CNTNAP2: variants seen among roughly 807,000 people sequenced by gnomAD.
The protein encoded by CNTNAP2 is contactin associated protein 2, also known as contactin-associated protein-like 2.
CNTNAP2 carries 98 observed loss-of-function variants against 155.2 expected under a neutral mutation model. The observed-to-expected ratio is 0.63, with a 90% confidence interval of 0.54 to 0.75. The LOEUF (loss-of-function observed/expected upper bound fraction) is 0.75, where lower values mean the gene tolerates loss of function less well. Ranked by LOEUF, CNTNAP2 falls within the 30% of genes least tolerant of loss-of-function variation. The pLI is 0.00. For missense variants in CNTNAP2, 1,727 were observed against 1,688.1 expected (o/e 1.02, Z -0.40); for synonymous variants, 651 against 631.2 (o/e 1.03, Z -0.47).
intron 1 of CNTNAP2, among the ~76,000 whole-genome samples, chr7:146,394,459 A>G (rs965666919): frequency 1.3e-5 from 2 of 151,798 alleles, no homozygotes; most frequent in East Asian, 1.9e-4. Flanking sequence ...TTTTATAAAT[A>G]TAGAGTCTTT....
chr7:147,734,809 T>C lies in CNTNAP2; in HGVS notation c.2098+95503T>C, dbSNP rs558441034. On this transcript the variant is annotated intron_variant, in intron 13 of 23. Coordinates refer to ENST00000361727, the MANE Select transcript of CNTNAP2 (RefSeq NM_014141.6). Reference sequence around the variant, plus strand: ...ATTTTCTAGTTTGTTTGCATAGAGGTGTTTATAGTATTCTCTGATGGTAGT... The same window carrying C: ...ATTTTCTAGTTTGTTTGCATAGAGGCGTTTATAGTATTCTCTGATGGTAGT... 2.9e-4 allele frequency among the ~76,000 whole-genome samples: 44 copies of C among 152,336 alleles called. 1 individual carries two copies. The South Asian group carries it at 8.3e-3, about 29-fold the overall frequency.
intron 21 of CNTNAP2, among the ~76,000 whole-genome samples, chr7:148,341,699 T>C (rs1798239099): frequency 6.6e-6 from 1 of 152,180 alleles, no homozygotes; most frequent in Admixed American, 6.5e-5. Flanking sequence ...TTCCCGGATG[T>C]CTGAGCTCAA....
At chr7:146,354,783 T>C (rs1794974223) in intron 1 of CNTNAP2, among the ~76,000 whole-genome samples, 1 of 151,800 alleles carries the variant, frequency 6.6e-6, no homozygotes, top group Non-Finnish European at 1.5e-5. Context: ...TCTCTTTCTC[T>C]ACAGATTCAA....
chr7:146,745,700 A>G (rs2129181644), intron 1 of CNTNAP2, among the ~76,000 whole-genome samples: 1 of 149,958 alleles, frequency 6.7e-6, no homozygotes, highest in African/African-American at 2.5e-5. Flanking sequence ...CTGGAGGTGG[A>G]GATTGCAGTA....
At chr7:147,997,392 T>TA (rs989457592) in intron 15 of CNTNAP2, among the ~76,000 whole-genome samples, 24 of 151,576 alleles carry the variant, frequency 1.6e-4, no homozygotes, top group African/African-American at 5.1e-4. Flanking sequence ...CGTCTCTATT[T>TA]AAAAAAAATA....
chr7:147,973,742 T>C (rs1801377567), intron 14 of CNTNAP2, among the ~76,000 whole-genome samples: 2 of 152,206 alleles, frequency 1.3e-5, no homozygotes, highest in Admixed American at 1.3e-4. Context: ...TTTTGGCTTA[T>C]ATTCTGTTTT....
chr7:146,345,104 C>T (rs1794799388), intron 1 of CNTNAP2, among the ~76,000 whole-genome samples: 1 of 152,108 alleles, frequency 6.6e-6, no homozygotes, highest in South Asian at 2.1e-4. Flanking sequence ...GAAAGAGAGG[C>T]ATACATTCTT....
At chr7:146,910,862 A>G (rs1157674904) in intron 3 of CNTNAP2, among the ~76,000 whole-genome samples, 4 of 150,630 alleles carry the variant, frequency 2.7e-5, no homozygotes, top group Non-Finnish European at 5.9e-5. Context: ...ATCAGAGTGA[A>G]CAGGCAACCT....
intron 22 of CNTNAP2, among the ~76,000 whole-genome samples, chr7:148,402,709 G>T (rs1458063373): frequency 6.6e-6 from 1 of 152,098 alleles, no homozygotes; most frequent in East Asian, 1.9e-4. Flanking sequence ...AAATAATGTT[G>T]CAATTTAAAT....
At chr7:146,428,913 G>C (rs909742796) in intron 1 of CNTNAP2, among the ~76,000 whole-genome samples, 1 of 151,872 alleles carries the variant, frequency 6.6e-6, no homozygotes, top group Non-Finnish European at 1.5e-5. Context: ...AATCTCTCTT[G>C]GGTTAATTTT....
At chr7:147,878,139 T>G (rs928006283) in intron 13 of CNTNAP2, among the ~76,000 whole-genome samples, 1 of 102,888 alleles carries the variant, frequency 9.7e-6, no homozygotes, top group Non-Finnish European at 1.9e-5. Flanking sequence ...CATTGGAAGT[T>G]TAGGGTTTTT....
intron 9 of CNTNAP2, among the ~76,000 whole-genome samples, chr7:147,324,965 C>G (rs1002360140): frequency 1.3e-5 from 2 of 152,110 alleles, no homozygotes; most frequent in Admixed American, 6.6e-5. Context: ...GGAAAGGCAG[C>G]CTCTGACTTT....
At chr7:147,511,154 T>C (rs938725056) in intron 11 of CNTNAP2, among the ~76,000 whole-genome samples, 4 of 152,116 alleles carry the variant, frequency 2.6e-5, no homozygotes, top group Admixed American at 2.6e-4. Context: ...AGCTATTGTG[T>C]CGGTGCATAC....
intron 1 of CNTNAP2, among the ~76,000 whole-genome samples, chr7:146,320,352 TA>T (rs1240613989): frequency 6.6e-5 from 10 of 152,118 alleles, no homozygotes; most frequent in African/African-American, 2.4e-4. Context: ...TGCAAAAATA[TA>T]ATGCTTATAG....
rs13222237 is a variant in CNTNAP2, at chr7:146,981,357, G to A, written c.403-62550G>A. 9.0e-3 allele frequency among the ~76,000 whole-genome samples: 1,372 copies of A among 152,272 alleles called. 10 individuals carry two copies. The highest frequency in any genetic ancestry group is 0.019 in the South Asian group (91 of 4,822). Reference sequence around the variant, plus strand: ...AATAGATGAGAACAGTAGAAAACAAGTACATGTGTATTACTAACCCAGCAA... The same window carrying A: ...AATAGATGAGAACAGTAGAAAACAAATACATGTGTATTACTAACCCAGCAA... On this transcript the variant is annotated intron_variant, in intron 3 of 23. Transcript: ENST00000361727.
chr7:148,144,336 G>T (rs1282199304), intron 16 of CNTNAP2, among the ~76,000 whole-genome samples: 6 of 152,194 alleles, frequency 3.9e-5, no homozygotes, highest in African/African-American at 1.4e-4. Flanking sequence ...AAAGATTGGG[G>T]TTTCCTAAGT....
chr7:146,589,565 C>A (rs979888661), intron 1 of CNTNAP2, among the ~76,000 whole-genome samples: 1 of 149,974 alleles, frequency 6.7e-6, no homozygotes, highest in Admixed American at 6.7e-5. Flanking sequence ...CACATGGACA[C>A]AGGGAGGGGA....
intron 15 of CNTNAP2, among the ~76,000 whole-genome samples, chr7:148,084,792 C>G (rs1407962288): frequency 6.6e-6 from 1 of 152,176 alleles, no homozygotes; most frequent in Admixed American, 6.5e-5. Flanking sequence ...CCACACTCTC[C>G]TAGAGGAGTG....
At chr7:148,176,455 G>A (rs1354430359) in intron 18 of CNTNAP2, among the ~76,000 whole-genome samples, 1 of 151,998 alleles carries the variant, frequency 6.6e-6, no homozygotes, top group Non-Finnish European at 1.5e-5. Flanking sequence ...CTGACCTCAG[G>A]TGATCTGCCT....
Sources: allele counts gnomAD v4.1 joint callset (sites outside exome capture counted in the v4.1 genomes callset), GRCh38; gene constraint gnomAD v4.1.1; transcripts MANE v1.5; gene names NCBI Gene and HGNC (gene_info 2026-07-23, HGNC 2026-07-21).